PHC3: variants seen among roughly 807,000 people sequenced by gnomAD.
PHC3 encodes polyhomeotic homolog 3.
Under a neutral mutation model 107.4 loss-of-function variants are expected in PHC3, and 13 were observed. That is an observed-to-expected ratio of 0.12 (90% CI 0.08 to 0.19). PHC3 has a LOEUF of 0.19. PHC3 is among the 10% of genes least tolerant of loss of function. The pLI, the probability that PHC3 is intolerant of heterozygous loss-of-function variation, is 1.00. For synonymous variants in PHC3, 456 were observed against 427.4 expected, an observed-to-expected ratio of 1.07 and a Z score of -0.83; for missense variants, 992 against 1,210.9, an observed-to-expected ratio of 0.82 and a Z score of 2.68.
chr3:170,178,720 AAAGT>A, intron 2 of PHC3, 49 bp downstream of exon 2: 1 of 1,577,710 alleles, frequency 6.3e-7, no homozygotes, highest in Non-Finnish European at 8.7e-7. Context: ...GCTTAAGCAA[AAAGT>A]AATATGACAT....
At chr3:170,144,808 C>T (rs1193075136) in intron 6 of PHC3, among the ~76,000 whole-genome samples, 1 of 152,020 alleles carries the variant, frequency 6.6e-6, no homozygotes, top group Admixed American at 6.5e-5. Flanking sequence ...CAGGCTCGAG[C>T]AATCCTCCTG....
intron 6 of PHC3, among the ~76,000 whole-genome samples, chr3:170,143,341 A>C (rs1333340563): frequency 6.6e-6 from 1 of 152,174 alleles, no homozygotes; most frequent in Admixed American, 6.5e-5. Flanking sequence ...AAGTCCAATA[A>C]AGTTAACTGT....
Position 170,107,616 on chromosome 3 carries a change from A to G in PHC3, c.2354-670T>C, listed in dbSNP as rs1489806364. Among the ~76,000 whole-genome samples, 4 of 152,238 alleles carry G rather than the reference A, an allele frequency of 2.6e-5. No individual in the cohort carries two copies. The East Asian group carries it at 5.8e-4, about 22-fold the overall frequency. On this transcript the variant is annotated intron_variant, in intron 11 of 14. Coordinates refer to ENST00000495893, the MANE Select transcript of PHC3 (RefSeq NM_024947.4). ...TATACATACATAAAATTCTTTAAAA[A>G]GATGCATATATCTAATTATAAAACA...
intron 12 of PHC3, among the ~76,000 whole-genome samples, chr3:170,106,252 C>G (rs778506594): frequency 1.3e-5 from 2 of 152,016 alleles, no homozygotes; most frequent in Non-Finnish European, 2.9e-5. Flanking sequence ...TACTACTTAT[C>G]TGAAATAATG....
At chr3:170,180,978 C>T (rs1197803229) in intron 1 of PHC3, among the ~76,000 whole-genome samples, 1 of 152,264 alleles carries the variant, frequency 6.6e-6, no homozygotes, top group Non-Finnish European at 1.5e-5. Flanking sequence ...GCCAGCAGTT[C>T]TGGTGCACAA....
chr3:170,144,267 G>A (rs538064647), intron 6 of PHC3, among the ~76,000 whole-genome samples: 4 of 151,932 alleles, frequency 2.6e-5, no homozygotes, highest in South Asian at 4.2e-4. Flanking sequence ...CTTGAACACA[G>A]GAGGTGGAGG....
At chr3:170,145,186 CATT>C (rs1299487091) in intron 6 of PHC3, among the ~76,000 whole-genome samples, 49 of 152,220 alleles carry the variant, frequency 3.2e-4, no homozygotes, top group African/African-American at 1.2e-3. Context: ...CAAAAACTCT[CATT>C]AACCTTGACC....
chr3:170,136,309 A>T, intron 7 of PHC3, 110 bp downstream of exon 7: 1 of 1,286,104 alleles, frequency 7.8e-7, no homozygotes, highest in Non-Finnish European at 1.1e-6. Flanking sequence ...TTCACATTTT[A>T]AAATGTTTTA....
chr3:170,126,820 T>A, intron 8 of PHC3, among the ~76,000 whole-genome samples: 1 of 151,806 alleles, frequency 6.6e-6, no homozygotes, highest in South Asian at 2.1e-4. Context: ...GGATTAGAGG[T>A]GTGAGGCACC....
At chr3:170,111,953 T>C (rs923266876) in intron 11 of PHC3, among the ~76,000 whole-genome samples, 3 of 152,302 alleles carry the variant, frequency 2.0e-5, no homozygotes, top group East Asian at 3.9e-4. Context: ...GATAATTACT[T>C]AGACACAAGT....
intron 11 of PHC3, among the ~76,000 whole-genome samples, chr3:170,111,262 GAA>G (rs1717599761): frequency 2.3e-5 from 1 of 43,492 alleles, no homozygotes; most frequent in African/African-American, 2.0e-4. Context: ...AAAACAAGAA[GAA>G]GGAAGGAAGG....
chr3:170,128,922 A>G lies in PHC3; in HGVS notation c.1550T>C (p.Met517Thr), dbSNP rs760052030. The G allele has an allele frequency of 3.3e-5, 53 of 1,613,908 alleles. No individual in the cohort carries two copies. The African/African-American group carries it at 6.3e-4, about 19-fold the overall frequency. Reference protein sequence around the residue: ...SPIPIASPPQMSTSPPAQIPP... With the variant: ...SPIPIASPPQTSTSPPAQIPP... ...AATCTGAGCTGGAGGAGATGTCGAC[A>G]TCTGTGGAGGACTTGCAATTGGGAT... The change falls in exon 8 of 15, where the codon ATG becomes ACG. Residue 517 changes from methionine (M) to threonine (T), a missense_variant. Coordinates refer to ENST00000495893, the MANE Select transcript of PHC3 (RefSeq NM_024947.4).
At chr3:170,172,440 G>T in intron 3 of PHC3, 117 bp downstream of exon 3, 1 of 1,122,862 alleles carries the variant, frequency 8.9e-7, no homozygotes, top group East Asian at 2.6e-5. Context: ...ATTTCCTCCG[G>T]GAAAAATAAC....
intron 9 of PHC3, 116 bp from the exon 10 acceptor site, chr3:170,117,592 T>G: frequency 9.4e-7 from 1 of 1,067,072 alleles, no homozygotes; most frequent in Non-Finnish European, 1.3e-6. Context: ...TTTCAAAAAC[T>G]GTTCTAAGAA....
At chr3:170,098,842 T>G (rs1351783631) in intron 14 of PHC3, among the ~76,000 whole-genome samples, 2 of 152,196 alleles carry the variant, frequency 1.3e-5, no homozygotes, top group African/African-American at 4.8e-5. Flanking sequence ...GAAATTATTA[T>G]GCTTTTGCAC....
chr3:170,140,178 T>C (rs1392262794), intron 6 of PHC3, among the ~76,000 whole-genome samples: 2 of 148,402 alleles, frequency 1.3e-5, no homozygotes, highest in Admixed American at 6.7e-5. Flanking sequence ...ATTCTAAGAG[T>C]ATTCCCCAGA....
At chr3:170,106,449 T>A (rs1278618291) in intron 12 of PHC3, among the ~76,000 whole-genome samples, 4 of 152,142 alleles carry the variant, frequency 2.6e-5, no homozygotes, top group African/African-American at 4.8e-5. Context: ...AAACAGCTGA[T>A]AAAACAAATA....
At chr3:170,124,155 T>G (rs1003856608) in intron 8 of PHC3, among the ~76,000 whole-genome samples, 6 of 151,854 alleles carry the variant, frequency 4.0e-5, no homozygotes, top group Admixed American at 3.9e-4. Context: ...GCCAATACCT[T>G]ATTATTAATG....
intron 6 of PHC3, among the ~76,000 whole-genome samples, chr3:170,139,906 T>C (rs1313334287): frequency 6.6e-6 from 1 of 152,206 alleles, no homozygotes; most frequent in Non-Finnish European, 1.5e-5. Context: ...ATTCATTTCA[T>C]CTGAACCTTT....
Sources: allele counts gnomAD v4.1 joint callset (sites outside exome capture counted in the v4.1 genomes callset), GRCh38; gene constraint gnomAD v4.1.1; transcripts MANE v1.5; gene names NCBI Gene and HGNC (gene_info 2026-07-23, HGNC 2026-07-21).